XPO4: variants seen among roughly 807,000 people sequenced by gnomAD.
XPO4 encodes exportin-4.
Under a neutral mutation model 143.0 loss-of-function variants are expected in XPO4, and 39 were observed. That is an observed-to-expected ratio of 0.27 (90% CI 0.21 to 0.36). The LOEUF (loss-of-function observed/expected upper bound fraction) is 0.36, where lower values mean the gene tolerates loss of function less well. Ranked by LOEUF, XPO4 falls within the 10% of genes least tolerant of loss-of-function variation. The pLI is 1.00. For synonymous variants in XPO4, 439 were observed against 474.0 expected (o/e 0.93, Z 0.96); for missense variants, 907 against 1,348.0 (o/e 0.67, Z 5.12).
intron 6 of XPO4, among the ~76,000 whole-genome samples, chr13:20,836,524 C>A (rs1476438841): frequency 1.3e-5 from 2 of 152,294 alleles, no homozygotes; most frequent in East Asian, 3.9e-4. Flanking sequence ...GACCACCTCT[C>A]CTATTTCCTT....
intron 1 of XPO4, among the ~76,000 whole-genome samples, chr13:20,885,701 G>A (rs2060455926): frequency 6.6e-6 from 1 of 152,178 alleles, no homozygotes; most frequent in African/African-American, 2.4e-5. Context: ...CACTTTGGGA[G>A]GCCAAGGCAG....
chr13:20,829,809 G>A lies in XPO4; in HGVS notation c.728-2630C>T, dbSNP rs550734964. On this transcript the variant is annotated intron_variant, in intron 6 of 22. Transcript: ENST00000255305. ...GGTAAGAGGGAGATGATAAGCTAAA[G>A]ATTCAATAAATCTTACAAAAGTATC... 3.9e-5 allele frequency among the ~76,000 whole-genome samples: 6 copies of A among 152,204 alleles called. No individual in the cohort carries two copies. In the East Asian group the frequency reaches 1.2e-3, roughly 29 times the overall value.
At position 20,855,675 on chromosome 13, in the gene XPO4, G is replaced by A. The variant is rs765937412; in HGVS notation, c.408C>T (p.Ser136=). 9 of 1,612,314 alleles carry A rather than the reference G, an allele frequency of 5.6e-6. No homozygotes were observed. In the South Asian group the frequency reaches 8.8e-5, roughly 16 times the overall value. Residue 136 remains serine (S), a synonymous_variant, in exon 4 of 23, where the codon AGC becomes AGT. Transcript: ENST00000255305. The part of the protein sequence containing the change: ...GSLDKSIDCK[S]IFHEVSQLIS... ...TCAACTGGCTGACTTCATGAAAAAT[G>A]CTTTTGCAGTCAATTGATTTATCTA...
intron 18 of XPO4, 109 bp from the exon 19 acceptor site, chr13:20,790,689 A>T: frequency 1.2e-6 from 1 of 808,970 alleles, no homozygotes; most frequent in Non-Finnish European, 2.0e-6. Flanking sequence ...AAATAAATCA[A>T]TGAGTGAATA....
chr13:20,890,735 G>A (rs897392916), intron 1 of XPO4, among the ~76,000 whole-genome samples: 3 of 149,128 alleles, frequency 2.0e-5, no homozygotes, highest in Non-Finnish European at 4.4e-5. Context: ...GGAGGCAGAG[G>A]ATGGCGTGAG....
chr13:20,895,088 T>C (rs2060555424), intron 1 of XPO4, among the ~76,000 whole-genome samples: 1 of 147,522 alleles, frequency 6.8e-6, no homozygotes, highest in South Asian at 2.2e-4. Flanking sequence ...TGAAGCAGGA[T>C]AATTGCTTGA....
chr13:20,849,642 A>G, intron 4 of XPO4: 2 of 985,158 alleles, frequency 2.0e-6, no homozygotes, highest in Middle Eastern at 5.2e-4. Flanking sequence ...AGCTTGAAAT[A>G]ACATTATTTA....
chr13:20,809,352 C>A (rs1027835288), intron 10 of XPO4, 127 bp from the exon 11 acceptor site: 1 of 1,156,394 alleles, frequency 8.6e-7, no homozygotes, highest in Non-Finnish European at 1.2e-6. Flanking sequence ...ACACAGCCGA[C>A]CTTTGAGCAC....
rs1011419912 is a variant in XPO4, at chr13:20,838,235, C to T, written c.727+4660G>A. Among the ~76,000 whole-genome samples, 6 of 152,186 alleles carry T rather than the reference C, an allele frequency of 3.9e-5. No individual in the cohort carries two copies. The South Asian group carries it at 6.2e-4, about 16-fold the overall frequency. ...TTTGTCAGTATCTCTCTATGCACATCCTACAGCCACTGCTCAGTCAGCTTC... is the reference window on the plus strand; with the variant it reads ...TTTGTCAGTATCTCTCTATGCACATTCTACAGCCACTGCTCAGTCAGCTTC... On this transcript the variant is annotated intron_variant, in intron 6 of 22. Transcript: ENST00000255305.
chr13:20,890,448 TA>T (rs879671620), intron 1 of XPO4, among the ~76,000 whole-genome samples: 242 of 137,334 alleles, frequency 1.8e-3, no homozygotes, highest in Admixed American at 2.4e-3. Flanking sequence ...AGACTCTGTC[TA>T]AAAAAAAAAA....
chr13:20,804,316 T>C (rs181441642), intron 13 of XPO4, among the ~76,000 whole-genome samples: 53 of 152,190 alleles, frequency 3.5e-4, no homozygotes, highest in Admixed American at 3.1e-3. Context: ...TCTTATTTCT[T>C]ATTTTCAGGA....
intron 12 of XPO4, 92 bp from the exon 13 acceptor site, chr13:20,807,726 C>A: frequency 1.1e-6 from 1 of 945,332 alleles, no homozygotes; most frequent in Non-Finnish European, 1.5e-6. Flanking sequence ...TTATATACAT[C>A]ATATAAATTG....
At chr13:20,812,506 C>T (rs951557585) in intron 9 of XPO4, among the ~76,000 whole-genome samples, 4 of 151,976 alleles carry the variant, frequency 2.6e-5, no homozygotes, top group Non-Finnish European at 4.4e-5. Context: ...GGGTAGGCGT[C>T]TTTACATTGG....
At position 20,790,448 on chromosome 13, in the gene XPO4, A is replaced by G. The variant is rs757404351; in HGVS notation, c.2916+14T>C. On this transcript the variant is annotated intron_variant, in intron 19 of 22. Transcript: ENST00000255305. ...ACACATAGTGGTATGTTCACATTCA[A>G]TTTCATTAATTACCTTCAAGAGATC... The G allele has an allele frequency of 6.3e-7, 1 of 1,590,850 alleles. No individual in the cohort carries two copies. The highest frequency in any genetic ancestry group is 2.2e-5 in the East Asian group (1 of 44,762).
At position 20,902,723 on chromosome 13, in the gene XPO4, G is replaced by A. The variant is rs377273354; in HGVS notation, c.16C>T (p.Leu6=). 38 of 1,557,762 alleles carry A rather than the reference G, an allele frequency of 2.4e-5. No individual in the cohort carries two copies. In the African/African-American group the frequency reaches 3.8e-4, roughly 15 times the overall value. ...TGAGCGATCACTTCTGGGGGCCCCA[G>A]CGCCGCCGCCATCATGGTCTCTCTT... is the stretch of plus-strand genomic sequence containing the variant. MMAAA[L]GPPEVIAQLE... Residue 6 remains leucine (L), a synonymous_variant, in exon 1 of 23, where the codon CTG becomes TTG. Coordinates refer to ENST00000255305, the MANE Select transcript of XPO4 (RefSeq NM_022459.5).
In XPO4 at chr13:20,855,119, G is replaced by A. The variant is rs189944485; in HGVS notation, c.456+508C>T. 2.6e-5 allele frequency among the ~76,000 whole-genome samples: 4 copies of A among 152,008 alleles called. No homozygotes were observed. The East Asian group carries it at 5.8e-4, about 22-fold the overall frequency. On this transcript the variant is annotated intron_variant, in intron 4 of 22. Transcript: ENST00000255305. ...CAACATGGAAAATACAGAATCAAAC[G>A]AAAAAGCAAAGTACACTGCATTTAT...
chr13:20,891,735 T>C (rs1293165105), intron 1 of XPO4, among the ~76,000 whole-genome samples: 1 of 151,712 alleles, frequency 6.6e-6, no homozygotes, highest in Non-Finnish European at 1.5e-5. Flanking sequence ...TGGCAGCGTA[T>C]GCCTGTAGTC....
chr13:20,851,180 G>C, intron 4 of XPO4: 3 of 985,418 alleles, frequency 3.0e-6, no homozygotes, highest in Non-Finnish European at 3.6e-6. Flanking sequence ...GATGATATAA[G>C]AAAATGTCTG....
chr13:20,796,976 T>C lies in XPO4; in HGVS notation c.2404A>G (p.Lys802Glu). 6.2e-7 allele frequency: 1 copy of C among 1,613,716 alleles called. No homozygotes were observed. Among genetic ancestry groups the C allele is most frequent in the Middle Eastern group, 1.6e-4 (1 of 6,062 alleles). ...TCTAGTGTGGCAGTGATTTCCTGCT[T>C]GACTTCCTCTTGCTGACACATCTGC... ...FQQMCQQEEV[K>E]QEITATLEAL... The change falls in exon 17 of 23, where the codon AAG (lysine) becomes GAG (glutamate). Residue 802 changes from lysine (K) to glutamate (E), a missense_variant. Physicochemically the swap from Lys to Glu is moderately conservative, Grantham distance 56. Coordinates refer to ENST00000255305, the MANE Select transcript of XPO4 (RefSeq NM_022459.5).
Sources: gnomAD v4.1 joint callset for allele counts (sites outside exome capture counted in the v4.1 genomes callset) on GRCh38, gnomAD v4.1.1 for gene constraint, MANE v1.5 for transcripts, NCBI Gene and HGNC (gene_info 2026-07-23, HGNC 2026-07-21) for gene names.